The following TTC28 variants were observed in gnomAD, a reference collection of about 807,000 sequenced individuals.
TTC28 encodes the protein tetratricopeptide repeat domain 28.
In TTC28, 61 loss-of-function variants were observed where a neutral mutation model predicts 198.0. The observed-to-expected ratio is 0.31, with a 90% CI of 0.25 to 0.38. The LOEUF is 0.38. TTC28 is among the 10% of genes least tolerant of loss of function. The pLI, the probability that TTC28 is intolerant of heterozygous loss-of-function variation, is 1.00. For synonymous variants in TTC28, 1,171 were observed against 1,297.8 expected (o/e 0.90, Z 2.10); for missense variants, 2,678 against 3,164.0 (o/e 0.85, Z 3.69).
rs201929868 is a variant in TTC28, at chr22:27,985,310, G to A, written c.5754C>T (p.Thr1918=). The A allele has an allele frequency of 1.3e-5, 20 of 1,551,336 alleles. No individual in the cohort carries two copies. The highest frequency in any genetic ancestry group is 1.2e-4 in the African/African-American group (9 of 73,008). The change falls in exon 22 of 23, where the codon ACC becomes ACT. Residue 1918 remains threonine, a synonymous_variant. Transcript: ENST00000397906. ...EVGQEEVILK[T]GKQANRRTVH... ...CAGTCCGTCGATTAGCTTGCTTCCCGGTTTTCAGGATTACTTCCTCCTGAC... is the reference window on the plus strand; with the variant it reads ...CAGTCCGTCGATTAGCTTGCTTCCCAGTTTTCAGGATTACTTCCTCCTGAC...
intron 6 of TTC28, among the ~76,000 whole-genome samples, chr22:28,137,314 T>C (rs1321730088): frequency 6.6e-6 from 1 of 152,164 alleles, no homozygotes; most frequent in African/African-American, 2.4e-5. Flanking sequence ...CTAACTTCTA[T>C]ACTGATTCAC....
Position 28,075,560 on chromosome 22 carries a change from C to T in TTC28, c.3932+18520G>A, listed in dbSNP as rs1041640620. The stretch of plus-strand genomic sequence containing the variant: ...AGAAGGAGCCCAACTTTGGATCTTA[C>T]AAGAAAGGGGTGAGCATCAGGAAGC... On this transcript the variant is annotated intron_variant, in intron 12 of 22. Transcript: ENST00000397906. Among the ~76,000 whole-genome samples the T allele has an allele frequency of 9.2e-5, 14 of 152,134 alleles. 1 individual carries two copies. Among genetic ancestry groups the T allele is most frequent in the African/African-American group, 3.1e-4 (13 of 41,414 alleles).
intron 6 of TTC28, among the ~76,000 whole-genome samples, chr22:28,123,705 G>A (rs1427374011): frequency 6.6e-6 from 1 of 152,090 alleles, no homozygotes; most frequent in Non-Finnish European, 1.5e-5. Context: ...ACTTCTGACT[G>A]GGGGCGGTGG....
intron 2 of TTC28, among the ~76,000 whole-genome samples, chr22:28,554,326 C>A (rs1354538594): frequency 6.7e-6 from 1 of 150,074 alleles, no homozygotes; most frequent in Non-Finnish European, 1.5e-5. Context: ...TGTCCTATGA[C>A]CCTGCCAAAT....
At chr22:28,520,825 G>A (rs1318242160) in intron 2 of TTC28, among the ~76,000 whole-genome samples, 1 of 151,906 alleles carries the variant, frequency 6.6e-6, no homozygotes, top group African/African-American at 2.4e-5. Flanking sequence ...GGCTGAGGCG[G>A]GCAGATCACT....
At chr22:28,081,828 T>C (rs9625397) in intron 12 of TTC28, among the ~76,000 whole-genome samples, 10,200 of 152,288 alleles carry the variant, frequency 0.067, 402 homozygotes, top group South Asian at 0.089. Flanking sequence ...ACTGAATCTG[T>C]AGATCACTTT....
chr22:28,407,849 A>C (rs1282826624), intron 2 of TTC28, among the ~76,000 whole-genome samples: 2 of 152,238 alleles, frequency 1.3e-5, no homozygotes, highest in Admixed American at 6.5e-5. Flanking sequence ...GGGCCATTCT[A>C]TTGGATCTGG....
rs1937078469 is a variant in TTC28, at chr22:27,983,068, G to A, written c.6599C>T (p.Pro2200Leu). 1 of 1,551,578 alleles carries A rather than the reference G, an allele frequency of 6.4e-7. No homozygotes were observed. Among genetic ancestry groups the A allele is most frequent in the African/African-American group, 1.4e-5 (1 of 73,022 alleles). The change falls in exon 23 of 23, where the codon CCC (proline) becomes CTC (leucine). Residue 2200 changes from proline (P) to leucine (L), a missense_variant. Pro to Leu is a moderately conservative substitution (Grantham distance 98, BLOSUM62 -3). Coordinates refer to ENST00000397906, the MANE Select transcript of TTC28 (RefSeq NM_001145418.2). ...SNNPEDGVQAPSSTAVFRASE... is the reference protein window; with the variant it reads ...SNNPEDGVQALSSTAVFRASE... ...CGCTCTGAAGACAGCAGTGCTGCTG[G>A]GCGCCTGAACGCCGTCTTCAGGGTT...
chr22:28,081,587 G>T (rs1276359303), intron 12 of TTC28, among the ~76,000 whole-genome samples: 1 of 151,708 alleles, frequency 6.6e-6, no homozygotes, highest in African/African-American at 2.4e-5. Context: ...CTGCCTCCTG[G>T]GTTCAAGTGA....
At chr22:27,996,326 AG>A in intron 16 of TTC28, 67 bp from the exon 17 acceptor site, 1 of 1,524,476 alleles carries the variant, frequency 6.6e-7, no homozygotes. Flanking sequence ...CCCGGCTTCC[AG>A]GGCTCACTTA....
intron 2 of TTC28, among the ~76,000 whole-genome samples, chr22:28,594,468 C>A (rs1218089637): frequency 6.7e-6 from 1 of 149,916 alleles, no homozygotes; most frequent in Admixed American, 6.6e-5. Flanking sequence ...AAGCAGCAAG[C>A]CACTGTTAGG....
chr22:28,637,770 G>A (rs1196332178), intron 1 of TTC28, among the ~76,000 whole-genome samples: 1 of 150,248 alleles, frequency 6.7e-6, no homozygotes, highest in African/African-American at 2.4e-5. Flanking sequence ...AAAAAAAACA[G>A]GACCCAAAGA....
chr22:28,671,952 A>G (rs2051894733), intron 1 of TTC28, among the ~76,000 whole-genome samples: 1 of 151,940 alleles, frequency 6.6e-6, no homozygotes, highest in Non-Finnish European at 1.5e-5. Flanking sequence ...CTGGGATTAC[A>G]GGTATGAGCC....
chr22:28,306,712 A>G, intron 2 of TTC28, 69 bp from the exon 3 acceptor site: 1 of 1,492,754 alleles, frequency 6.7e-7, no homozygotes, highest in Non-Finnish European at 9.1e-7. Context: ...ATTCTTTACT[A>G]GAACAACAGG....
At chr22:28,255,722 C>T (rs956207449) in intron 5 of TTC28, among the ~76,000 whole-genome samples, 2 of 151,620 alleles carry the variant, frequency 1.3e-5, no homozygotes, top group African/African-American at 4.8e-5. Context: ...TGCTCTTTTC[C>T]TCTAGTATGG....
chr22:28,111,646 G>T (rs1294025792), intron 6 of TTC28, among the ~76,000 whole-genome samples: 4 of 152,108 alleles, frequency 2.6e-5, no homozygotes, highest in Non-Finnish European at 4.4e-5. Flanking sequence ...TACGAACAGA[G>T]CCGGAGCTGG....
rs576420431 is a variant in TTC28, at chr22:28,047,732, T to C, written c.3933-17366A>G. Among the ~76,000 whole-genome samples the C allele has an allele frequency of 4.3e-4, 66 of 152,294 alleles. 1 individual carries two copies. In the South Asian group the frequency reaches 0.012, roughly 27 times the overall value. On this transcript the variant is annotated intron_variant, in intron 12 of 22. Coordinates refer to ENST00000397906, the MANE Select transcript of TTC28 (RefSeq NM_001145418.2). The stretch of plus-strand genomic sequence containing the variant: ...CCAAAGCAGGCCCAGGTGAGTGTGA[T>C]GCTCTCTTCTCCTTGGCAACAATGG...
chr22:28,058,869 T>G (rs1355287343), intron 12 of TTC28, among the ~76,000 whole-genome samples: 1 of 151,970 alleles, frequency 6.6e-6, no homozygotes, highest in East Asian at 1.9e-4. Flanking sequence ...TTCATCTTAG[T>G]TGTCAAATTT....
In TTC28 at chr22:28,481,319, T is replaced by G. The variant is rs552743285; in HGVS notation, c.381+148233A>C. 1.8e-4 allele frequency among the ~76,000 whole-genome samples: 27 copies of G among 152,334 alleles called. No homozygotes were observed. The East Asian group carries it at 5.2e-3, about 29-fold the overall frequency. On this transcript the variant is annotated intron_variant, in intron 2 of 22. Transcript: ENST00000397906. ...TAACACTGGGCTTACTGTTAGATAT[T>G]TCCCCATTTTCAGAGATGCCTATAA...
Sources: allele counts gnomAD v4.1 joint callset (sites outside exome capture counted in the v4.1 genomes callset), GRCh38; gene constraint gnomAD v4.1.1; transcripts MANE v1.5; gene names NCBI Gene and HGNC (gene_info 2026-07-23, HGNC 2026-07-21).